The following TMEM132B variants were observed in gnomAD, a reference collection of about 807,000 sequenced individuals.
The protein encoded by TMEM132B is transmembrane protein 132B.
TMEM132B carries 18 observed loss-of-function variants against 90.8 expected under a neutral mutation model. The observed-to-expected ratio is 0.20, with a 90% CI of 0.14 to 0.29. The LOEUF is 0.29. Ranked by LOEUF, TMEM132B falls within the 10% of genes least tolerant of loss-of-function variation. The pLI, the probability that TMEM132B is intolerant of heterozygous loss-of-function variation, is 1.00. For missense variants in TMEM132B, 1,096 were observed against 1,326.8 expected (o/e 0.83, Z 2.70); for synonymous variants, 504 against 523.3 (o/e 0.96, Z 0.50).
At chr12:125,646,225 A>G (rs1462432679) in intron 6 of TMEM132B, among the ~76,000 whole-genome samples, 1 of 152,206 alleles carries the variant, frequency 6.6e-6, no homozygotes, top group African/African-American at 2.4e-5. Flanking sequence ...TAGTTAGCTG[A>G]GGAGAAGTCC....
At chr12:125,302,894 C>A (rs1054754210) in intron 1 of TMEM132B, among the ~76,000 whole-genome samples, 5 of 152,178 alleles carry the variant, frequency 3.3e-5, no homozygotes, top group South Asian at 2.1e-4. Context: ...GTTAGGAGAT[C>A]GAGACCAGCC....
chr12:125,515,955 TTC>T (rs1298291002), intron 3 of TMEM132B, among the ~76,000 whole-genome samples: 2 of 147,472 alleles, frequency 1.4e-5, no homozygotes, highest in African/African-American at 5.2e-5. Context: ...GAGCTGCACA[TTC>T]TCTCTTGTGC....
intron 1 of TMEM132B, among the ~76,000 whole-genome samples, chr12:125,252,789 T>G (rs1874345443): frequency 6.6e-6 from 1 of 152,012 alleles, no homozygotes; most frequent in Admixed American, 6.5e-5. Context: ...CCACAGTTCC[T>G]CCCCGTTTCC....
rs553011519 is a variant in TMEM132B at position 125,277,538 on chromosome 12, C to G, written c.68-71914C>G. Among the ~76,000 whole-genome samples the G allele has an allele frequency of 1.3e-5, 2 of 150,150 alleles. No homozygotes were observed. Among genetic ancestry groups the G allele is most frequent in the South Asian group, 4.2e-4 (2 of 4,786 alleles). ...ACACACACACACACACATACACACA[C>G]ACACGGGAAGGCCATGTGAAGATGC... On this transcript the variant is annotated intron_variant, in intron 1 of 8. Coordinates refer to ENST00000682704, the MANE Select transcript of TMEM132B (RefSeq NM_001366854.1). The surrounding 1 kb of genome is among the most constrained non-coding windows in gnomAD (Gnocchi z 4.3).
At chr12:125,494,540 T>G (rs1359901901) in intron 3 of TMEM132B, among the ~76,000 whole-genome samples, 1 of 89,844 alleles carries the variant, frequency 1.1e-5, no homozygotes, top group Non-Finnish European at 2.2e-5. Context: ...GAAATGGCTG[T>G]GTCCCTCCTC....
At chr12:125,506,120 G>C (rs1882842713) in intron 3 of TMEM132B, among the ~76,000 whole-genome samples, 1 of 152,216 alleles carries the variant, frequency 6.6e-6, no homozygotes, top group Non-Finnish European at 1.5e-5. Context: ...AAGAACTCAA[G>C]TGTGCATTAA....
At chr12:125,247,145 C>T (rs956700967) in intron 1 of TMEM132B, among the ~76,000 whole-genome samples, 1 of 152,184 alleles carries the variant, frequency 6.6e-6, no homozygotes, top group African/African-American at 2.4e-5. Context: ...CTGACTGTTA[C>T]GCCTTATTTT....
chr12:125,621,574 T>G (rs904901239), intron 5 of TMEM132B, among the ~76,000 whole-genome samples: 1 of 152,144 alleles, frequency 6.6e-6, no homozygotes, highest in African/African-American at 2.4e-5. Flanking sequence ...CTCCCTAGCA[T>G]GTGGTCATAG....
At chr12:125,255,208 TG>T (rs1456874139) in intron 1 of TMEM132B, among the ~76,000 whole-genome samples, 1 of 151,902 alleles carries the variant, frequency 6.6e-6, no homozygotes, top group Non-Finnish European at 1.5e-5. Flanking sequence ...GAGGAGAGGG[TG>T]GCAGCTTGCG....
chr12:125,525,989 G>A (rs1883445077), intron 4 of TMEM132B, among the ~76,000 whole-genome samples: 1 of 152,190 alleles, frequency 6.6e-6, no homozygotes, highest in African/African-American at 2.4e-5. Flanking sequence ...TTGAAGCACA[G>A]GGCTATTCCT....
intron 4 of TMEM132B, among the ~76,000 whole-genome samples, chr12:125,527,539 A>ACCACCCATCCACCCTTCCAT (rs1406621999): frequency 1.3e-4 from 7 of 55,574 alleles, no homozygotes; most frequent in Admixed American, 2.2e-4. Flanking sequence ...CACCCTTCCA[A>ACCACCCATCCACCCTTCCAT]CCACCCATCC....
At chr12:125,294,624 C>T (rs1344555172) in intron 1 of TMEM132B, among the ~76,000 whole-genome samples, 1 of 152,224 alleles carries the variant, frequency 6.6e-6, no homozygotes, top group East Asian at 1.9e-4. Context: ...TCCCAACAAA[C>T]TTTGAGGTTA....
At chr12:125,517,326 G>GGTTTTTT (rs1566060662) in intron 3 of TMEM132B, among the ~76,000 whole-genome samples, 2 of 88,032 alleles carry the variant, frequency 2.3e-5, no homozygotes, top group Non-Finnish European at 4.8e-5. Context: ...ATGCCCTGCT[G>GGTTTTTT]ATTTTTTTTT....
intron 1 of TMEM132B, among the ~76,000 whole-genome samples, chr12:125,206,926 C>A (rs1467228369): frequency 6.6e-6 from 1 of 152,186 alleles, no homozygotes; most frequent in Non-Finnish European, 1.5e-5. Flanking sequence ...TGGCTCGTTC[C>A]TCCCATGCTT....
intron 3 of TMEM132B, among the ~76,000 whole-genome samples, chr12:125,507,467 A>G (rs1174551866): frequency 6.6e-6 from 1 of 152,096 alleles, no homozygotes; most frequent in East Asian, 1.9e-4. Flanking sequence ...AGTGTAGGAG[A>G]TGGGTCTTTC....
intron 4 of TMEM132B, among the ~76,000 whole-genome samples, chr12:125,530,786 C>G (rs1421347183): frequency 6.6e-6 from 1 of 152,212 alleles, no homozygotes; most frequent in African/African-American, 2.4e-5. Flanking sequence ...GGACACCAGT[C>G]CTTGCATTGA....
In TMEM132B at chr12:125,560,059, G is replaced by A. The variant is rs971910369; in HGVS notation, c.1294-23792G>A. 4.6e-5 allele frequency among the ~76,000 whole-genome samples: 7 copies of A among 152,182 alleles called. No individual in the cohort carries two copies. The South Asian group carries it at 6.2e-4, about 14-fold the overall frequency. ...TACCAAGCCAGAGGCTGCTGCCAGC[G>A]TCAGACCTGGTGTCCACCGAGGGCT... On this transcript the variant is annotated intron_variant, in intron 4 of 8. Transcript: ENST00000682704.
At chr12:125,216,863 G>A (rs899472342) in intron 1 of TMEM132B, among the ~76,000 whole-genome samples, 1 of 152,202 alleles carries the variant, frequency 6.6e-6, no homozygotes, top group African/African-American at 2.4e-5. Flanking sequence ...CTGGCCGGAG[G>A]CATCGAGCAG....
At chr12:125,488,188 A>G (rs937094732) in intron 3 of TMEM132B, among the ~76,000 whole-genome samples, 2 of 152,232 alleles carry the variant, frequency 1.3e-5, no homozygotes, top group African/African-American at 2.4e-5. Flanking sequence ...TTAATAGGAA[A>G]TCAAACTTAG....
Sources: gnomAD v4.1 joint callset for allele counts (sites outside exome capture counted in the v4.1 genomes callset) on GRCh38, gnomAD v4.1.1 for gene constraint, Gnocchi (gnomAD v3.1) non-coding constraint, MANE v1.5 for transcripts, NCBI Gene and HGNC (gene_info 2026-07-23, HGNC 2026-07-21) for gene names.